Variants in RBFOX1 observed in about 807,000 individuals in gnomAD.
RBFOX1 encodes the protein RNA binding protein fox-1 homolog 1.
A neutral mutation model predicts 57.7 loss-of-function variants in RBFOX1; 8 were observed. The observed-to-expected ratio is 0.14, with a 90% confidence interval of 0.08 to 0.25. The LOEUF is 0.25. RBFOX1 is among the 10% of genes least tolerant of loss of function. RBFOX1 has a pLI of 1.00. For synonymous variants in RBFOX1, 326 were observed against 222.4 expected (o/e 1.47, Z -4.15); for missense variants, 611 against 548.5 (o/e 1.11, Z -1.14).
intron 2 of RBFOX1, among the ~76,000 whole-genome samples, chr16:5,585,532 C>A (rs2046802527): frequency 6.6e-6 from 1 of 152,150 alleles, no homozygotes; most frequent in Non-Finnish European, 1.5e-5. Flanking sequence ...TTGTGAGTAT[C>A]CTGTGTCTTG....
At chr16:7,377,464 A>T (rs2097705455) in intron 4 of RBFOX1, among the ~76,000 whole-genome samples, 1 of 152,236 alleles carries the variant, frequency 6.6e-6, no homozygotes, top group African/African-American at 2.4e-5. Context: ...ATTCAATATG[A>T]CAGCTTGGCT....
At chr16:5,303,441 C>G (rs2063854061) in intron 1 of RBFOX1, among the ~76,000 whole-genome samples, 1 of 152,190 alleles carries the variant, frequency 6.6e-6, no homozygotes, top group Admixed American at 6.5e-5. Flanking sequence ...GGCTACCAGA[C>G]TTCTGTTTGC....
At chr16:6,527,635 T>C (rs149104948) in intron 2 of RBFOX1, among the ~76,000 whole-genome samples, 3 of 152,290 alleles carry the variant, frequency 2.0e-5, no homozygotes, top group African/African-American at 7.2e-5. Context: ...CCCCCTTATC[T>C]TGAGGACTGG....
intron 2 of RBFOX1, among the ~76,000 whole-genome samples, chr16:6,361,075 C>T (rs2088405465): frequency 6.6e-6 from 1 of 152,024 alleles, no homozygotes; most frequent in South Asian, 2.1e-4. Flanking sequence ...AATCTTGAGC[C>T]ACCCCTCTCA....
At chr16:7,570,099 A>G (rs935087553) in intron 5 of RBFOX1, among the ~76,000 whole-genome samples, 11 of 152,210 alleles carry the variant, frequency 7.2e-5, no homozygotes, top group Admixed American at 2.0e-4. Flanking sequence ...TATCTTTTAC[A>G]TGATAGCATG....
chr16:6,835,163 A>C (rs1159597537), intron 3 of RBFOX1, among the ~76,000 whole-genome samples: 1 of 151,972 alleles, frequency 6.6e-6, no homozygotes, highest in African/African-American at 2.4e-5. Context: ...GGCCTCCCAC[A>C]GTGTTGGGAT....
chr16:6,930,667 C>G (rs139781887), intron 3 of RBFOX1, among the ~76,000 whole-genome samples: 4 of 152,150 alleles, frequency 2.6e-5, no homozygotes, highest in African/African-American at 9.7e-5. Context: ...GCCTTGGCCT[C>G]CCAAGTTGCT....
intron 2 of RBFOX1, among the ~76,000 whole-genome samples, chr16:6,497,031 T>G (rs535046511): frequency 6.6e-6 from 1 of 152,294 alleles, no homozygotes; most frequent in East Asian, 1.9e-4. Flanking sequence ...CACTGTGTCT[T>G]GGTTGGCTTA....
At chr16:5,604,647 T>C (rs190290560), downstream of RBFOX1, among the ~76,000 whole-genome samples, 1 of 152,218 alleles carries the variant, frequency 6.6e-6, no homozygotes, top group Non-Finnish European at 1.5e-5. Flanking sequence ...CCTGCCTACA[T>C]GCTACTGATC....
chr16:5,321,708 T>C (rs1224955484), intron 1 of RBFOX1, among the ~76,000 whole-genome samples: 1 of 152,106 alleles, frequency 6.6e-6, no homozygotes, highest in Non-Finnish European at 1.5e-5. Context: ...TCCATCTTCC[T>C]CCTTCCACAC....
rs189026994 is a variant in RBFOX1 at position 5,567,295 on chromosome 16, C to T, written c.259-31607C>T. Among the ~76,000 whole-genome samples the T allele has an allele frequency of 6.6e-3, 1,000 of 152,308 alleles. 6 individuals are homozygous for T. The highest frequency in any genetic ancestry group is 0.011 in the Admixed American group (161 of 15,300). Reference sequence around the variant, plus strand: ...TCAGGACTGCGTCACTTTGCAGTGGCTGTGTGTTGCAGCACTTTGGTCAGG... The same window carrying T: ...TCAGGACTGCGTCACTTTGCAGTGGTTGTGTGTTGCAGCACTTTGGTCAGG... On this transcript the variant is annotated intron_variant, in intron 2 of 2. Transcript: ENST00000585867.
chr16:7,089,307 T>C (rs1386670837), intron 4 of RBFOX1, among the ~76,000 whole-genome samples: 3 of 152,260 alleles, frequency 2.0e-5, no homozygotes, highest in Admixed American at 2.0e-4. Flanking sequence ...TAATAGAGAG[T>C]TCTATCTAAC....
intron 3 of RBFOX1, among the ~76,000 whole-genome samples, chr16:6,889,005 G>A (rs1322341158): frequency 6.6e-6 from 1 of 152,148 alleles, no homozygotes; most frequent in African/African-American, 2.4e-5. Flanking sequence ...CTTCCACTTA[G>A]ATTGCAAATA....
chr16:6,789,168 C>G (rs2082483095), intron 3 of RBFOX1, among the ~76,000 whole-genome samples: 1 of 152,064 alleles, frequency 6.6e-6, no homozygotes, highest in African/African-American at 2.4e-5. Flanking sequence ...GTAGAGTGTT[C>G]TTCAGAAGAA....
At chr16:5,508,888 G>A (rs1046626622) in intron 2 of RBFOX1, among the ~76,000 whole-genome samples, 3 of 152,254 alleles carry the variant, frequency 2.0e-5, no homozygotes, top group African/African-American at 7.2e-5. Flanking sequence ...CTGTTCCTAC[G>A]GCAACCACCC....
At chr16:5,427,301 G>A (rs1208734973) in intron 1 of RBFOX1, among the ~76,000 whole-genome samples, 1 of 152,172 alleles carries the variant, frequency 6.6e-6, no homozygotes, top group African/African-American at 2.4e-5. Context: ...AACCTGCAAC[G>A]TGGCTGGGCA....
At chr16:5,357,334 T>C (rs2065418861) in intron 1 of RBFOX1, among the ~76,000 whole-genome samples, 1 of 152,200 alleles carries the variant, frequency 6.6e-6, no homozygotes, top group Non-Finnish European at 1.5e-5. Context: ...CCCAGGAATA[T>C]GGACTTGGAA....
chr16:5,785,043 T>G (rs1022788265), intron 3 of RBFOX1, among the ~76,000 whole-genome samples: 5 of 152,230 alleles, frequency 3.3e-5, no homozygotes, highest in Non-Finnish European at 5.9e-5. Context: ...GTGTCAACAT[T>G]GTTAGCCATC....
chr16:6,598,156 C>G (rs2097796447), intron 2 of RBFOX1, among the ~76,000 whole-genome samples: 1 of 152,246 alleles, frequency 6.6e-6, no homozygotes, highest in Non-Finnish European at 1.5e-5. Flanking sequence ...ACACACACAT[C>G]TGTTTCCTAT....
Sources: gnomAD v4.1 joint callset for allele counts (sites outside exome capture counted in the v4.1 genomes callset) on GRCh38, gnomAD v4.1.1 for gene constraint, MANE v1.5 for transcripts, NCBI Gene and HGNC (gene_info 2026-07-23, HGNC 2026-07-21) for gene names.